Variants in MIPEP observed in about 807,000 individuals in gnomAD.
The protein encoded by MIPEP is mitochondrial intermediate peptidase.
In MIPEP, 79 loss-of-function variants were observed where a neutral mutation model predicts 90.3. The ratio of observed to expected loss-of-function variants is 0.87; its 90% confidence interval spans 0.73 to 1.05. MIPEP has a LOEUF of 1.05. Among genes scored for constraint, MIPEP ranks in the 50% least tolerant of loss-of-function variants. MIPEP has a pLI of 0.00. For synonymous variants in MIPEP, 334 were observed against 315.8 expected, an observed-to-expected ratio of 1.06 and a Z score of -0.61; for missense variants, 940 against 905.6, an observed-to-expected ratio of 1.04 and a Z score of -0.49.
At chr13:23,871,265 C>T (rs1463441969) in intron 5 of MIPEP, among the ~76,000 whole-genome samples, 1 of 152,186 alleles carries the variant, frequency 6.6e-6, no homozygotes, top group East Asian at 1.9e-4. Context: ...TTGTAATACA[C>T]AATAACCTGA....
Position 23,870,261 on chromosome 13 carries a change from C to T in MIPEP, c.604-66G>A, listed in dbSNP as rs113106498. 8.9e-4 allele frequency: 964 copies of T among 1,078,046 alleles called. 9 individuals are homozygous for T. The African/African-American group carries it at 0.014, about 16-fold the overall frequency. The allele number at this position is 1,078,046 out of a possible 1,614,324, so 66.8% of individuals were successfully genotyped here. On this transcript the variant is annotated intron_variant, in intron 5 of 18. Transcript: ENST00000382172. ...AATTAATATTTCACAATTTAATAAA[C>T]AAAATATAAATATGTCAAATCAACA...
At chr13:23,764,363 G>C (rs1185267736) in intron 16 of MIPEP, among the ~76,000 whole-genome samples, 1 of 152,112 alleles carries the variant, frequency 6.6e-6, no homozygotes, top group Non-Finnish European at 1.5e-5. Context: ...AAGGCTCTTT[G>C]ATCATTTTTA....
chr13:23,769,088 C>T (rs547408133), intron 16 of MIPEP, among the ~76,000 whole-genome samples: 1 of 152,330 alleles, frequency 6.6e-6, no homozygotes, highest in South Asian at 2.1e-4. Flanking sequence ...TGCTTTTTCT[C>T]TCTCCTCCAA....
intron 18 of MIPEP, among the ~76,000 whole-genome samples, chr13:23,743,691 G>A (rs1413679845): frequency 6.6e-6 from 1 of 152,198 alleles, no homozygotes; most frequent in Non-Finnish European, 1.5e-5. Flanking sequence ...TAATTTCATT[G>A]TCAGATTTAA....
chr13:23,804,584 T>A (rs1953084432), intron 16 of MIPEP, among the ~76,000 whole-genome samples: 1 of 152,182 alleles, frequency 6.6e-6, no homozygotes, highest in African/African-American at 2.4e-5. Context: ...GATTAAAAAA[T>A]TAGTTAGTAT....
chr13:23,789,181 C>T (rs186560772), intron 16 of MIPEP, among the ~76,000 whole-genome samples: 18 of 138,614 alleles, frequency 1.3e-4, no homozygotes, highest in Admixed American at 1.0e-3. Flanking sequence ...TGCAGCAAAA[C>T]GTAAACCATA....
At position 23,837,672 on chromosome 13, in the gene MIPEP, G is replaced by A; in HGVS notation, c.1423C>T (p.Pro475Ser). The stretch of plus-strand genomic sequence containing the variant: ...GTTGGAGAACTCCTTGAGGAACGGG[G>A]AAGATTCAGCATAAGAACTACAACT... ...LPVVVLMLNL[P>S]RSSRSSPTLL... The change falls in exon 13 of 19, where the codon CCC becomes TCC. Residue 475 changes from proline to serine, a missense_variant. Coordinates refer to ENST00000382172, the MANE Select transcript of MIPEP (RefSeq NM_005932.4). 6.2e-7 allele frequency: 1 copy of A among 1,614,042 alleles called. No homozygotes were observed. Among genetic ancestry groups the A allele is most frequent in the Non-Finnish European group, 8.5e-7 (1 of 1,179,908 alleles).
At chr13:23,827,853 C>T (rs1268889171) in intron 14 of MIPEP, among the ~76,000 whole-genome samples, 8 of 152,230 alleles carry the variant, frequency 5.3e-5, no homozygotes, top group African/African-American at 1.9e-4. Context: ...ATCACTTGAA[C>T]CCAGGAGGTG....
chr13:23,801,880 TACA>T (rs763922677), intron 16 of MIPEP, among the ~76,000 whole-genome samples: 63 of 152,300 alleles, frequency 4.1e-4, no homozygotes, highest in Non-Finnish European at 8.7e-4. Flanking sequence ...TTTAACTACT[TACA>T]ACAAGTGCTG....
In MIPEP at chr13:23,881,770, G is replaced by T; in HGVS notation, c.381C>A (p.Ile127=). The T allele has an allele frequency of 6.2e-7, 1 of 1,613,584 alleles. No homozygotes were observed. The highest frequency in any genetic ancestry group is 8.5e-7 in the Non-Finnish European group (1 of 1,179,706). ...CTCTGAATGCTGGCTCAGGGTGAGCGATTTTCACAAAATCAGCCTAATAAA... is the reference window on the plus strand; with the variant it reads ...CTCTGAATGCTGGCTCAGGGTGAGCTATTTTCACAAAATCAGCCTAATAAA... ...RVADLADFVK[I]AHPEPAFREA... is the part of the protein sequence containing the mutation. The change falls in exon 3 of 19, where the codon ATC becomes ATA. Residue 127 remains isoleucine (I), a synonymous_variant. Coordinates refer to ENST00000382172, the MANE Select transcript of MIPEP (RefSeq NM_005932.4).
chr13:23,837,889 TC>T (rs1869127722), intron 12 of MIPEP, 133 bp from the exon 13 acceptor site: 1 of 639,450 alleles, frequency 1.6e-6, no homozygotes. Context: ...TCTTATTCTA[TC>T]TATTTACATA....
intron 16 of MIPEP, among the ~76,000 whole-genome samples, chr13:23,787,459 C>T (rs1952858304): frequency 6.6e-6 from 1 of 151,950 alleles, no homozygotes. Flanking sequence ...AGCAGGAGTG[C>T]ACATGCTTCT....
chr13:23,745,988 T>C (rs77025801), intron 18 of MIPEP, among the ~76,000 whole-genome samples: 3,161 of 148,148 alleles, frequency 0.021, 117 homozygotes, highest in African/African-American at 0.074. Context: ...TCTGCTTCTG[T>C]AACCTGTGTT....
chr13:23,736,157 A>G (rs1952261532), intron 18 of MIPEP, among the ~76,000 whole-genome samples: 1 of 152,230 alleles, frequency 6.6e-6, no homozygotes, highest in African/African-American at 2.4e-5. Context: ...TAACAAACAC[A>G]TTTCACTCTG....
intron 2 of MIPEP, among the ~76,000 whole-genome samples, chr13:23,883,727 A>G (rs1024877173): frequency 1.2e-4 from 19 of 152,266 alleles, no homozygotes; most frequent in Non-Finnish European, 2.6e-4. Flanking sequence ...AGATCCCCCA[A>G]TCTGGAGGGT....
In MIPEP at chr13:23,870,211, G is replaced by C. The variant is rs764906123; in HGVS notation, c.604-16C>G. 6.8e-7 allele frequency: 1 copy of C among 1,470,028 alleles called. No individual in the cohort carries two copies. Among genetic ancestry groups the C allele is most frequent in the Non-Finnish European group, 9.1e-7 (1 of 1,104,762 alleles). The allele number at this position is 1,470,028 out of a possible 1,614,324, so 91.1% of individuals were successfully genotyped here. A position where few individuals can be genotyped will look rare whatever the true frequency, so the allele number is the denominator to read the frequency against. The stretch of plus-strand genomic sequence containing the variant: ...CTCTTTTACGCTGTATGCAGGAGGA[G>C]TAAAAGTTATTTAAAGGCGTTTTGA... On this transcript the variant is annotated splice_polypyrimidine_tract_variant and intron_variant, in intron 5 of 18. Transcript: ENST00000382172.
intron 16 of MIPEP, among the ~76,000 whole-genome samples, chr13:23,779,472 G>A (rs1466051920): frequency 6.6e-6 from 1 of 152,122 alleles, no homozygotes; most frequent in African/African-American, 2.4e-5. Flanking sequence ...GGTGTATGGG[G>A]GGGGCAGTTC....
chr13:23,820,780 G>C (rs912471311), intron 14 of MIPEP, among the ~76,000 whole-genome samples: 2 of 152,208 alleles, frequency 1.3e-5, no homozygotes, highest in African/African-American at 4.8e-5. Context: ...CCCCATCAGA[G>C]TGTGCATTTC....
intron 18 of MIPEP, among the ~76,000 whole-genome samples, chr13:23,755,919 T>C (rs1257774587): frequency 1.3e-5 from 2 of 151,946 alleles, no homozygotes; most frequent in Admixed American, 6.6e-5. Context: ...ATGAGTTCTT[T>C]AGACTAAAAA....
Sources: allele counts gnomAD v4.1 joint callset (sites outside exome capture counted in the v4.1 genomes callset), GRCh38; gene constraint gnomAD v4.1.1; transcripts MANE v1.5; gene names NCBI Gene and HGNC (gene_info 2026-07-23, HGNC 2026-07-21).